Variants in VPS53 observed in about 807,000 individuals in gnomAD.
The protein encoded by VPS53 is VPS53 subunit of GARP complex.
A neutral mutation model predicts 107.0 loss-of-function variants in VPS53; 70 were observed. That is an observed-to-expected ratio of 0.65 (90% confidence interval 0.54 to 0.80). The LOEUF is 0.80. Ranked by LOEUF, VPS53 falls within the 30% of genes least tolerant of loss-of-function variation. The probability of loss-of-function intolerance (pLI) is 0.00; values close to 1 mark genes in which losing one functional copy is unlikely to be tolerated. For missense variants in VPS53, 917 were observed against 1,049.4 expected, an observed-to-expected ratio of 0.87 and a Z score of 1.74; for synonymous variants, 409 against 393.3, an observed-to-expected ratio of 1.04 and a Z score of -0.47.
chr17:547,423 A>G (rs923383300), intron 17 of VPS53, among the ~76,000 whole-genome samples: 4 of 152,154 alleles, frequency 2.6e-5, no homozygotes, highest in African/African-American at 9.7e-5. Context: ...AGCCAAGCAC[A>G]AGATGTCCCA....
At chr17:700,239 T>C (rs1567750083) in intron 2 of VPS53, among the ~76,000 whole-genome samples, 1 of 152,138 alleles carries the variant, frequency 6.6e-6, no homozygotes, top group Non-Finnish European at 1.5e-5. Context: ...TGAAAAGAAG[T>C]GATTTCAAAT....
chr17:519,209 T>C lies in VPS53; in HGVS notation c.2418A>G (p.Ser806=). The C allele has an allele frequency of 6.5e-7, 1 of 1,549,698 alleles. No individual in the cohort carries two copies. Among genetic ancestry groups the C allele is most frequent in the South Asian group, 1.2e-5 (1 of 83,838 alleles). Residue 806 remains serine (S), a synonymous_variant, in exon 22 of 22, where the codon TCA becomes TCG. Transcript: ENST00000437048. This position sits in a 1 kb window ranked among gnomAD's most constrained non-coding sequence, Gnocchi z 5.0. ...APPSGAESSG[S]LSLTAPTPEQ... ...CTGGTGTTGGCGCCGTCAGGGACAG[T>C]GAGCCGGAGCTTTCTGCCCCCGAGG... is the stretch of plus-strand genomic sequence containing the variant.
At chr17:580,020 A>T (rs1004253979) in intron 13 of VPS53, among the ~76,000 whole-genome samples, 6 of 151,616 alleles carry the variant, frequency 4.0e-5, no homozygotes, top group African/African-American at 1.5e-4. Context: ...GCGGTCCCAG[A>T]GAACCTCCCT....
rs1908180532 is a variant in VPS53 at position 514,724 on chromosome 17, G to GC, written c.*4403dup. On this transcript the variant is annotated 3_prime_UTR_variant, in exon 22 of 22. Coordinates refer to ENST00000437048, the MANE Select transcript of VPS53 (RefSeq NM_001128159.3). ...TGCATCGAGCAGCAGCCTCGGACCTGCCCCCACGCTCTGCGTGCCCTGTAC... is the reference window on the plus strand; with the variant it reads ...TGCATCGAGCAGCAGCCTCGGACCTGCCCCCCACGCTCTGCGTGCCCTGTAC... The GC allele has an allele frequency of 6.5e-6, 1 of 152,746 alleles. No homozygotes were observed. The highest frequency in any genetic ancestry group is 2.4e-5 in the African/African-American group (1 of 41,466). 9.5% of individuals were successfully genotyped at this position (152,746 alleles called of 1,614,324 possible). A position where few individuals can be genotyped will look rare whatever the true frequency, so the allele number is the denominator to read the frequency against.
intron 1 of VPS53, among the ~76,000 whole-genome samples, chr17:711,880 G>T (rs957475556): frequency 6.7e-6 from 1 of 150,242 alleles, no homozygotes; most frequent in Non-Finnish European, 1.5e-5. Flanking sequence ...GCAGTAGCGC[G>T]ATCTTGGTTC....
At chr17:708,058 T>C (rs188776754) in intron 2 of VPS53, among the ~76,000 whole-genome samples, 5 of 152,160 alleles carry the variant, frequency 3.3e-5, no homozygotes, top group East Asian at 1.9e-4. Flanking sequence ...GGGCCTTCTG[T>C]AGGGTCCAGC....
At chr17:620,700 G>A (rs1293990456) in intron 11 of VPS53, among the ~76,000 whole-genome samples, 7 of 138,058 alleles carry the variant, frequency 5.1e-5, no homozygotes, top group African/African-American at 1.9e-4. Flanking sequence ...TTTTTGAGAT[G>A]GAGTCTCACT....
At chr17:682,858 G>GGCTACAGAGGAGGGGATTTAGATAC (rs1488490777) in intron 4 of VPS53, among the ~76,000 whole-genome samples, 2 of 152,198 alleles carry the variant, frequency 1.3e-5, no homozygotes, top group African/African-American at 4.8e-5. Context: ...ATATTAGATA[G>GGCTACAGAGGAGGGGATTTAGATAC]GCTACAGAGG....
chr17:617,061 T>A (rs1308236796), intron 11 of VPS53, among the ~76,000 whole-genome samples: 1 of 152,194 alleles, frequency 6.6e-6, no homozygotes, highest in African/African-American at 2.4e-5. Flanking sequence ...CAAGCATCCT[T>A]CACTGGGACC....
intron 19 of VPS53, among the ~76,000 whole-genome samples, chr17:530,661 T>C (rs1159133719): frequency 6.6e-6 from 1 of 152,178 alleles, no homozygotes; most frequent in Non-Finnish European, 1.5e-5. Flanking sequence ...GCGGACATTC[T>C]CCTCTTATCC....
Position 509,135 on chromosome 17 carries a change from T to C in VPS53, c.*9993A>G. On this transcript the variant is annotated 3_prime_UTR_variant, in exon 22 of 22. Transcript: ENST00000437048. ...CACATATCAAATCCTGTCTCACCCC[T>C]CACCAGTCACATATCAAATCCTGCC... 7.0e-6 allele frequency: 1 copy of C among 143,212 alleles called. No homozygotes were observed. The highest frequency in any genetic ancestry group is 2.9e-5 in the African/African-American group (1 of 34,816). The allele number at this position is 143,212 out of a possible 1,614,324, so 8.9% of individuals were successfully genotyped here.
At chr17:599,945 T>C (rs9911037) in intron 12 of VPS53, 150,846 of 152,292 alleles carry the variant, frequency 0.99, 74,730 homozygotes, top group East Asian at 1. Flanking sequence ...AATAACCTAC[T>C]GAAGGTCACA....
chr17:649,848 T>C (rs920651924), intron 7 of VPS53, among the ~76,000 whole-genome samples: 1 of 152,272 alleles, frequency 6.6e-6, no homozygotes, highest in Non-Finnish European at 1.5e-5. Context: ...ATGAGAATAT[T>C]ATGCCCATGA....
chr17:641,669 G>A (rs1970428544), intron 7 of VPS53, among the ~76,000 whole-genome samples: 1 of 152,130 alleles, frequency 6.6e-6, no homozygotes, highest in Non-Finnish European at 1.5e-5. Flanking sequence ...TGCCCAGGCT[G>A]ATCTCAAACT....
chr17:691,985 G>T (rs947364138), intron 4 of VPS53, among the ~76,000 whole-genome samples: 2 of 152,144 alleles, frequency 1.3e-5, no homozygotes, highest in Non-Finnish European at 2.9e-5. Flanking sequence ...TCCCCCACAG[G>T]TAAGTGGGGA....
chr17:559,887 G>C (rs747929829), intron 15 of VPS53, among the ~76,000 whole-genome samples: 3 of 152,186 alleles, frequency 2.0e-5, no homozygotes, highest in Non-Finnish European at 4.4e-5. Flanking sequence ...TGGCCATGTG[G>C]GGGCCTCCAG....
intron 4 of VPS53, among the ~76,000 whole-genome samples, chr17:664,518 T>C (rs1322255753): frequency 1.3e-5 from 2 of 152,058 alleles, no homozygotes; most frequent in African/African-American, 4.8e-5. Context: ...GGAAATAATC[T>C]GGAGAGGTGG....
chr17:710,402 G>T, intron 2 of VPS53, 131 bp downstream of exon 2: 1 of 679,560 alleles, frequency 1.5e-6, no homozygotes, highest in South Asian at 1.9e-5. Flanking sequence ...TGGTGATGAT[G>T]GAGTTTGATT....
chr17:714,132 A>C (rs1973756581), intron 1 of VPS53: 1 of 154,640 alleles, frequency 6.5e-6, no homozygotes, highest in Non-Finnish European at 1.4e-5. Flanking sequence ...CAACGGTAGG[A>C]ATTCTCAACC....
Sources: gnomAD v4.1 joint callset for allele counts (sites outside exome capture counted in the v4.1 genomes callset) on GRCh38, gnomAD v4.1.1 for gene constraint, Gnocchi (gnomAD v3.1) non-coding constraint, MANE v1.5 for transcripts, NCBI Gene and HGNC (gene_info 2026-07-23, HGNC 2026-07-21) for gene names.